ADGRL2: variants seen among roughly 807,000 people sequenced by gnomAD.
The protein encoded by ADGRL2 is calcium-independent alpha-latrotoxin receptor 2.
ADGRL2 carries 44 observed loss-of-function variants against 157.4 expected under a neutral mutation model. That is an observed-to-expected ratio of 0.28 (90% confidence interval 0.22 to 0.36). The LOEUF is 0.36. Among genes scored for constraint, ADGRL2 ranks in the 10% least tolerant of loss-of-function variants. The probability of loss-of-function intolerance (pLI) is 1.00; values close to 1 mark genes in which losing one functional copy is unlikely to be tolerated. For missense variants in ADGRL2, 1,510 were observed against 1,768.9 expected (o/e 0.85, Z 2.63); for synonymous variants, 585 against 624.7 (o/e 0.94, Z 0.95).
chr1:81,502,731 C>T (rs906348661), intron 2 of ADGRL2: 4 of 1,613,718 alleles, frequency 2.5e-6, no homozygotes, highest in African/African-American at 1.3e-5. Context: ...CAGCCGAGCT[C>T]CAGGCAGCAA....
At chr1:81,880,167 C>G (rs1008939938) in intron 2 of ADGRL2, among the ~76,000 whole-genome samples, 3 of 152,120 alleles carry the variant, frequency 2.0e-5, no homozygotes, top group Admixed American at 2.0e-4. Flanking sequence ...TTGCCTTTTT[C>G]AAAGAGTGAT....
At chr1:81,843,057 G>A (rs930684410) in intron 2 of ADGRL2, among the ~76,000 whole-genome samples, 1 of 152,116 alleles carries the variant, frequency 6.6e-6, no homozygotes, top group Non-Finnish European at 1.5e-5. Context: ...CTGCTGCATA[G>A]CAAATGTAAC....
chr1:81,983,052 G>C (rs1662106955), intron 19 of ADGRL2, among the ~76,000 whole-genome samples: 1 of 126,486 alleles, frequency 7.9e-6, no homozygotes, highest in Non-Finnish European at 1.7e-5. Context: ...CTACATAAGT[G>C]AGCATTTTAT....
At chr1:81,392,505 A>T (rs1313039599) in intron 1 of ADGRL2, among the ~76,000 whole-genome samples, 3 of 152,130 alleles carry the variant, frequency 2.0e-5, no homozygotes, top group Admixed American at 6.6e-5. Context: ...AAGAAAAAAA[A>T]ATTATCTATA....
intron 2 of ADGRL2, among the ~76,000 whole-genome samples, chr1:81,794,657 G>C (rs961372107): frequency 6.6e-6 from 1 of 152,100 alleles, no homozygotes; most frequent in African/African-American, 2.4e-5. Flanking sequence ...ATGCTAATTT[G>C]AAAGAAAACT....
At chr1:81,795,863 G>T (rs185964308), upstream of ADGRL2, among the ~76,000 whole-genome samples, 2 of 152,314 alleles carry the variant, frequency 1.3e-5, no homozygotes, top group Non-Finnish European at 2.9e-5. Flanking sequence ...TGTAATTTTA[G>T]ATTATTCTTA....
chr1:81,616,534 C>T (rs2081649877), intron 3 of ADGRL2, among the ~76,000 whole-genome samples: 1 of 152,050 alleles, frequency 6.6e-6, no homozygotes. Context: ...TTCGTTAAGG[C>T]CAATTTGCCT....
intron 11 of ADGRL2, 57 bp from the exon 12 acceptor site, chr1:81,966,001 A>C: frequency 6.4e-7 from 1 of 1,555,274 alleles, no homozygotes; most frequent in Non-Finnish European, 8.8e-7. Flanking sequence ...TTGCCTCCTT[A>C]GTTAACTCTT....
intron 2 of ADGRL2, among the ~76,000 whole-genome samples, chr1:81,898,107 C>G (rs1405402999): frequency 6.6e-6 from 1 of 151,926 alleles, no homozygotes; most frequent in African/African-American, 2.4e-5. Flanking sequence ...AGACTCTCTC[C>G]CTAAAGCAGA....
chr1:81,809,354 T>C (rs1029026996), intron 1 of ADGRL2, among the ~76,000 whole-genome samples: 1 of 152,008 alleles, frequency 6.6e-6, no homozygotes, highest in Non-Finnish European at 1.5e-5. Context: ...CTGAAATATG[T>C]GACCAAGTCT....
At chr1:81,812,899 A>G (rs1571367650) in intron 1 of ADGRL2, among the ~76,000 whole-genome samples, 1 of 151,836 alleles carries the variant, frequency 6.6e-6, no homozygotes, top group Admixed American at 6.6e-5. Flanking sequence ...AAATGAATGC[A>G]GGCAGAATAG....
chr1:81,702,637 CAAAACA>C (rs929731221), intron 1 of ADGRL2, among the ~76,000 whole-genome samples: 7 of 151,920 alleles, frequency 4.6e-5, no homozygotes, highest in Non-Finnish European at 7.4e-5. Flanking sequence ...GATTAGGAAA[CAAAACA>C]AAAACAAAAA....
At chr1:81,619,639 T>C (rs1273519389) in intron 3 of ADGRL2, among the ~76,000 whole-genome samples, 2 of 152,196 alleles carry the variant, frequency 1.3e-5, no homozygotes, top group African/African-American at 4.8e-5. Flanking sequence ...CATGAGAGGA[T>C]GAAATAACAT....
At chr1:81,469,062 C>A (rs961414469) in intron 2 of ADGRL2, among the ~76,000 whole-genome samples, 1 of 152,168 alleles carries the variant, frequency 6.6e-6, no homozygotes, top group African/African-American at 2.4e-5. Context: ...CAATTTCCCT[C>A]CAAAAATTTA....
intron 4 of ADGRL2, among the ~76,000 whole-genome samples, chr1:81,940,269 G>A (rs1438053294): frequency 1.3e-5 from 2 of 151,452 alleles, no homozygotes; most frequent in Admixed American, 6.6e-5. Context: ...GCATACAGCT[G>A]TATATAAATT....
At chr1:81,820,736 G>GAA (rs10707483) in intron 1 of ADGRL2, among the ~76,000 whole-genome samples, 7 of 147,268 alleles carry the variant, frequency 4.8e-5, no homozygotes, top group East Asian at 4.0e-4. Context: ...CTGTCTGTCT[G>GAA]AAAAAAAAAA....
chr1:81,892,628 T>A (rs2094294994), intron 2 of ADGRL2, among the ~76,000 whole-genome samples: 1 of 152,166 alleles, frequency 6.6e-6, no homozygotes, highest in Admixed American at 6.5e-5. Context: ...CTGTCTTCCA[T>A]AAATGGCTAG....
At chr1:81,607,046 A>G (rs1009238964) in intron 3 of ADGRL2, among the ~76,000 whole-genome samples, 1 of 151,684 alleles carries the variant, frequency 6.6e-6, no homozygotes, top group African/African-American at 2.4e-5. Flanking sequence ...TTATTTCTTA[A>G]CTCTTTATTT....
intron 3 of ADGRL2, among the ~76,000 whole-genome samples, chr1:81,664,371 G>A (rs2082714805): frequency 6.6e-6 from 1 of 152,020 alleles, no homozygotes; most frequent in African/African-American, 2.4e-5. Flanking sequence ...CACCCCCTCA[G>A]AAAAGCAATT....
Sources: gnomAD v4.1 joint callset for allele counts (sites outside exome capture counted in the v4.1 genomes callset) on GRCh38, gnomAD v4.1.1 for gene constraint, MANE v1.5 for transcripts, NCBI Gene and HGNC (gene_info 2026-07-23, HGNC 2026-07-21) for gene names.